WDR81: variants seen among roughly 807,000 people sequenced by gnomAD.
WDR81 encodes WD repeat-containing protein 81.
In WDR81, 92 loss-of-function variants were observed where a neutral mutation model predicts 140.8. That is an observed-to-expected ratio of 0.65 (90% CI 0.55 to 0.78). The LOEUF is 0.78. Among genes scored for constraint, WDR81 ranks in the 30% least tolerant of loss-of-function variants. WDR81 has a pLI of 0.00. For missense variants in WDR81, 2,502 were observed against 2,636.4 expected, an observed-to-expected ratio of 0.95 and a Z score of 1.12; for synonymous variants, 1,183 against 1,156.4, an observed-to-expected ratio of 1.02 and a Z score of -0.47.
Position 1,730,769 on chromosome 17 carries a change from C to A in WDR81, c.3790C>A (p.Gln1264Lys), listed in dbSNP as rs566514547. 5.6e-6 allele frequency: 9 copies of A among 1,610,276 alleles called. No individual in the cohort carries two copies. In the East Asian group the frequency reaches 1.8e-4, roughly 32 times the overall value. ...TSCYVGPTRQQFTVSSGESPP... is the reference protein window; with the variant it reads ...TSCYVGPTRQKFTVSSGESPP... ...TTCCGTGGCAGGACCCACTCGGCAG[C>A]AGTTCACAGTGAGCAGTGGCGAGAG... Residue 1264 changes from glutamine to lysine, a missense_variant, in exon 3 of 10, where the codon CAG (glutamine) becomes AAG (lysine). Physicochemically the swap from Gln to Lys is moderately conservative, Grantham distance 53. Coordinates refer to ENST00000409644, the MANE Select transcript of WDR81 (RefSeq NM_001163809.2).
At chr17:1,732,981 C>A in intron 6 of WDR81, 150 bp downstream of exon 6, 1 of 970,100 alleles carries the variant, frequency 1.0e-6, no homozygotes, top group Non-Finnish European at 1.5e-6. Flanking sequence ...CAGACCCCTA[C>A]CCCCAAGGTG....
intron 7 of WDR81, among the ~76,000 whole-genome samples, chr17:1,734,897 G>C (rs8070192): frequency 6.6e-6 from 1 of 152,042 alleles, no homozygotes; most frequent in Non-Finnish European, 1.5e-5. Flanking sequence ...GGTTAAAAGG[G>C]GGAAAGGGAT....
chr17:1,727,419 C>T lies in WDR81; in HGVS notation c.2460C>T (p.Pro820=), dbSNP rs1915358743. The T allele has an allele frequency of 3.9e-6, 6 of 1,550,254 alleles. No individual in the cohort carries two copies. Among genetic ancestry groups the T allele is most frequent in the East Asian group, 2.4e-5 (1 of 40,934 alleles). The change falls in exon 1 of 10, where the codon CCC becomes CCT. Residue 820 remains proline (P), a synonymous_variant. Coordinates refer to ENST00000409644, the MANE Select transcript of WDR81 (RefSeq NM_001163809.2). The part of the protein sequence containing the change: ...HPKEVPVSLQ[P]VLDTLLQMSG... ...AGGAGGTCCCTGTGTCTTTGCAGCC[C>T]GTGCTGGACACACTCCTGCAGATGA...
chr17:1,716,558 C>G (rs763122490), exon 1 of WDR81: 1 of 1,551,068 alleles, frequency 6.4e-7, no homozygotes, highest in Non-Finnish European at 8.7e-7. Flanking sequence ...AAAGCCACGG[C>G]GTCTGCGTTT....
chr17:1,724,299 G>A (rs943891595), upstream of WDR81, among the ~76,000 whole-genome samples: 2 of 152,260 alleles, frequency 1.3e-5, no homozygotes, highest in Admixed American at 1.3e-4. Context: ...GGGAGGCAGA[G>A]GTTGCGGTGA....
In WDR81 at chr17:1,728,304, C is replaced by T. The variant is rs527423063; in HGVS notation, c.3345C>T (p.Ser1115=). 231 of 1,612,800 alleles carry T rather than the reference C, an allele frequency of 1.4e-4. 1 individual carries two copies. The highest frequency in any genetic ancestry group is 6.8e-4 in the South Asian group (62 of 91,076). The change falls in exon 1 of 10, where the codon AGC becomes AGT. Residue 1115 remains serine, a synonymous_variant. Transcript: ENST00000409644. The part of the protein sequence containing the change: ...LGRLSDKSST[S]ETSLGEERAP... ...GGCTGAGTGACAAGAGCAGCACCAG[C>T]GAGACCTCCCTGGGTGAGGAGCGGG...
intron 9 of WDR81, 42 bp downstream of exon 9, chr17:1,736,260 C>T (rs1904862146): frequency 1.1e-5 from 17 of 1,571,622 alleles, no homozygotes; most frequent in Middle Eastern, 4.1e-4. Flanking sequence ...CCAACCCCCG[C>T]CCCTGTCCAG....
Position 1,737,789 on chromosome 17 carries a change from C to T in WDR81, c.*104C>T. 2.9e-6 allele frequency: 4 copies of T among 1,401,170 alleles called. No homozygotes were observed. Among genetic ancestry groups the T allele is most frequent in the Non-Finnish European group, 3.8e-6 (4 of 1,058,118 alleles). The allele number at this position is 1,401,170 out of a possible 1,614,324, so 86.8% of individuals were successfully genotyped here. On this transcript the variant is annotated 3_prime_UTR_variant, in exon 10 of 10. Coordinates refer to ENST00000409644, the MANE Select transcript of WDR81 (RefSeq NM_001163809.2). ...AGCTCCCTCCAGGGAGGCCCTGGGT[C>T]CCACGCCCTGGGTGCCCACATGGCC...
chr17:1,725,379 G>A lies in WDR81; in HGVS notation c.420G>A (p.Gln140=). ...CTGAGACCCTCACTCGCTTCATGCA[G>A]GAGGTTGCCGCCCAGAATTATCGCA... ...CGPETLTRFM[Q]EVAAQNYRNL... is the part of the protein sequence containing the mutation. Residue 140 remains glutamine, a synonymous_variant, in exon 1 of 10, where the codon CAG becomes CAA. Transcript: ENST00000409644. The A allele has an allele frequency of 2.6e-6, 4 of 1,549,538 alleles. No homozygotes were observed. The highest frequency in any genetic ancestry group is 2.4e-5 in the South Asian group (2 of 84,070).
intron 9 of WDR81, 132 bp downstream of exon 9, chr17:1,736,350 T>C: frequency 1.7e-6 from 2 of 1,147,800 alleles, no homozygotes; most frequent in Non-Finnish European, 2.4e-6. Context: ...CAGGACTAAC[T>C]GGGCAGGGAG....
chr17:1,721,979 C>T (rs898695518), upstream of WDR81, among the ~76,000 whole-genome samples: 2 of 151,910 alleles, frequency 1.3e-5, no homozygotes, highest in African/African-American at 2.4e-5. Flanking sequence ...AAAAATTAGC[C>T]GGGCATGGTG....
Position 1,728,123 on chromosome 17 carries a change from A to T in WDR81, c.3164A>T (p.Glu1055Val), listed in dbSNP as rs760724828. The T allele has an allele frequency of 6.2e-7, 1 of 1,605,778 alleles. No individual in the cohort carries two copies. The highest frequency in any genetic ancestry group is 8.5e-7 in the Non-Finnish European group (1 of 1,175,954). Residue 1055 changes from glutamate (E) to valine (V), a missense_variant, in exon 1 of 10, where the codon GAG becomes GTG. Physicochemically the swap from Glu to Val is moderately radical, Grantham distance 121. Around this residue, in one of 3 missense-constraint regions of WDR81, gnomAD observed 1,737 missense variants for 1,843.0 expected, o/e 0.94. Transcript: ENST00000409644. The stretch of plus-strand genomic sequence containing the variant: ...GGGGAGGAGATTCCCATGGATGGGG[A>T]GCCTCCTGCCTCCTCGGGCCTGGGG... ...AFGEEIPMDG[E>V]PPASSGLGLP...
At position 1,732,325 on chromosome 17, in the gene WDR81, G is replaced by A. The variant is rs755690019; in HGVS notation, c.4158G>A (p.Gly1386=). Residue 1386 remains glycine, a splice_region_variant and synonymous_variant, in exon 5 of 10, where the codon GGG becomes GGA. Coordinates refer to ENST00000409644, the MANE Select transcript of WDR81 (RefSeq NM_001163809.2). The part of the protein sequence containing the change: ...VLSFLTSLVT[G]FPSGAQARTI... ...TGGAGCTCATGAGCTCTGTTTCCAG[G>A]TTCCCAAGTGGGGCCCAGGCTCGGA... 3 of 1,612,996 alleles carry A rather than the reference G, an allele frequency of 1.9e-6. No individual in the cohort carries two copies. The Admixed American group carries it at 5.0e-5, about 27-fold the overall frequency.
At position 1,728,215 on chromosome 17, in the gene WDR81, C is replaced by G. The variant is rs1334872032; in HGVS notation, c.3256C>G (p.Gln1086Glu). The G allele has an allele frequency of 6.2e-7, 1 of 1,605,358 alleles. No homozygotes were observed. Among genetic ancestry groups the G allele is most frequent in the South Asian group, 1.1e-5 (1 of 90,798 alleles). Residue 1086 changes from glutamine (Q) to glutamate (E), a missense_variant, in exon 1 of 10, where the codon CAA (glutamine) becomes GAA (glutamate). By Grantham distance (29) the Gln-to-Glu change is conservative. Transcript: ENST00000409644. The part of the protein sequence containing the change: ...QADLPETEDF[Q>E]AGLYVTESPQ... ...TGACCTCCCTGAGACAGAGGACTTC[C>G]AAGCCGGGCTCTATGTGACTGAGTC...
intron 1 of WDR81, among the ~76,000 whole-genome samples, chr17:1,719,484 CT>C (rs1214911841): frequency 6.6e-6 from 1 of 150,494 alleles, no homozygotes; most frequent in Non-Finnish European, 1.5e-5. Context: ...GGAGGCGGAG[CT>C]TTGCAGTGAG....
chr17:1,728,846 G>A (rs1487373308), intron 1 of WDR81, among the ~76,000 whole-genome samples: 16 of 151,830 alleles, frequency 1.1e-4, no homozygotes, highest in Non-Finnish European at 5.9e-5. Flanking sequence ...CCAGCTACTC[G>A]GAAGGCTGAG....
intron 1 of WDR81, among the ~76,000 whole-genome samples, chr17:1,729,020 G>A (rs1915505634): frequency 6.6e-6 from 1 of 152,182 alleles, no homozygotes; most frequent in Admixed American, 6.6e-5. Context: ...CACCTACTCT[G>A]TGCCAAGCAG....
upstream of WDR81, among the ~76,000 whole-genome samples, chr17:1,723,071 T>C (rs1039674097): frequency 6.6e-6 from 1 of 152,160 alleles, no homozygotes; most frequent in Non-Finnish European, 1.5e-5. Flanking sequence ...AACTCTCTCC[T>C]AAGAGGGAGA....
intron 1 of WDR81, among the ~76,000 whole-genome samples, chr17:1,718,162 G>A (rs1914685745): frequency 6.6e-6 from 1 of 151,570 alleles, no homozygotes; most frequent in South Asian, 2.1e-4. Context: ...CTGTTGCCCA[G>A]GCTGGAGTGC....
Sources: allele counts gnomAD v4.1 joint callset (sites outside exome capture counted in the v4.1 genomes callset), GRCh38; gene constraint gnomAD v4.1.1; regional missense constraint gnomAD v4.1.1; transcripts MANE v1.5; gene names NCBI Gene and HGNC (gene_info 2026-07-23, HGNC 2026-07-21).